METTL14: variants seen among roughly 807,000 people sequenced by gnomAD.
METTL14 encodes the protein methyltransferase 14, N6-adenosine-methyltransferase non-catalytic subunit, also known as N(6)-adenosine-methyltransferase non-catalytic subunit METTL14.
In METTL14, 32 loss-of-function variants were observed where a neutral mutation model predicts 62.4. That is an observed-to-expected ratio of 0.51 (90% CI 0.39 to 0.69). METTL14 has a LOEUF of 0.69. Ranked by LOEUF, METTL14 falls within the 30% of genes least tolerant of loss-of-function variation. The pLI, the probability that METTL14 is intolerant of heterozygous loss-of-function variation, is 0.00. For synonymous variants in METTL14, 150 were observed against 180.0 expected (o/e 0.83, Z 1.34); for missense variants, 340 against 551.9 (o/e 0.62, Z 3.85).
In METTL14 at chr4:118,701,183, G is replaced by GT. The variant is rs373953605; in HGVS notation, c.738+550dup. Among the ~76,000 whole-genome samples, 327 of 132,294 alleles carry GT rather than the reference G, an allele frequency of 2.5e-3. 14 individuals carry two copies. Among genetic ancestry groups the GT allele is most frequent in the African/African-American group, 6.7e-3 (241 of 35,926 alleles). 86.8% of individuals were successfully genotyped at this position (132,294 alleles called of 152,430 possible). A position where few individuals can be genotyped will look rare whatever the true frequency, so the allele number is the denominator to read the frequency against. The stretch of plus-strand genomic sequence containing the variant: ...TATTTTTTTATTGGAGTTTTTTTTT[G>GT]TTTTTTTTTGTTTTTTTGAGACAAG... On this transcript the variant is annotated intron_variant, in intron 8 of 10. Coordinates refer to ENST00000388822, the MANE Select transcript of METTL14 (RefSeq NM_020961.4).
At chr4:118,692,484 T>C (rs1236734983) in intron 5 of METTL14, among the ~76,000 whole-genome samples, 2 of 152,036 alleles carry the variant, frequency 1.3e-5, no homozygotes, top group Non-Finnish European at 2.9e-5. Flanking sequence ...GCCAGGCTGG[T>C]CTGGAACTCC....
At chr4:118,704,584 G>C (rs1724700565) in intron 9 of METTL14, among the ~76,000 whole-genome samples, 1 of 152,062 alleles carries the variant, frequency 6.6e-6, no homozygotes. Context: ...AGGTAATGAA[G>C]CCTCCGTAAA....
chr4:118,711,205 C>G lies in METTL14; in HGVS notation c.*903C>G, dbSNP rs1724909493. On this transcript the variant is annotated 3_prime_UTR_variant, in exon 11 of 11. Transcript: ENST00000388822. ...GTTATGGAGATAGTTTAATGTAAAA[C>G]CAACTACGGAAAACCCTCAACTTAA... The G allele has an allele frequency of 6.6e-6, 1 of 152,166 alleles. No homozygotes were observed. Among genetic ancestry groups the G allele is most frequent in the South Asian group, 2.1e-4 (1 of 4,830 alleles). The allele number at this position is 152,166 out of a possible 1,614,324, so 9.4% of individuals were successfully genotyped here. A position where few individuals can be genotyped will look rare whatever the true frequency, so the allele number is the denominator to read the frequency against.
Position 118,705,620 on chromosome 4 carries a change from C to T in METTL14, c.865C>T (p.Leu289Phe). 6.2e-7 allele frequency: 1 copy of T among 1,613,880 alleles called. No individual in the cohort carries two copies. The highest frequency in any genetic ancestry group is 8.5e-7 in the Non-Finnish European group (1 of 1,179,800). ...TGCTCTTGTTATTTAGGAACACTGC[C>T]TCATGGGGATCAAAGGAACTGTGAA... ...AVFQRTKEHC[L>F]MGIKGTVKRS... The change falls in exon 10 of 11, where the codon CTC becomes TTC. Residue 289 changes from leucine to phenylalanine, a missense_variant. Coordinates refer to ENST00000388822, the MANE Select transcript of METTL14 (RefSeq NM_020961.4).
chr4:118,703,893 C>A, intron 8 of METTL14, 42 bp from the exon 9 acceptor site: 2 of 1,171,524 alleles, frequency 1.7e-6, no homozygotes, highest in South Asian at 1.5e-5. Context: ...TTGTTTATTT[C>A]TTTAAGTTAA....
chr4:118,687,812 A>T, intron 1 of METTL14, 111 bp from the exon 2 acceptor site: 1 of 686,454 alleles, frequency 1.5e-6, no homozygotes, highest in Non-Finnish European at 2.5e-6. Context: ...TGTGTGTGTG[A>T]ATTAAGGTGT....
At chr4:118,687,098 C>A (rs752735471) in intron 1 of METTL14, among the ~76,000 whole-genome samples, 15 of 152,240 alleles carry the variant, frequency 9.9e-5, no homozygotes, top group Non-Finnish European at 2.1e-4. Context: ...ATGGTACCCA[C>A]AACCCTGTGC....
chr4:118,696,117 C>CTAAAAAAAAA (rs1724403412), intron 6 of METTL14, among the ~76,000 whole-genome samples: 1 of 33,910 alleles, frequency 2.9e-5, no homozygotes, highest in Non-Finnish European at 4.6e-5. Context: ...GACTCTGTCT[C>CTAAAAAAAAA]AAAAAAAAAA....
chr4:118,699,895 A>G (rs1370390586), intron 7 of METTL14, among the ~76,000 whole-genome samples: 3 of 152,196 alleles, frequency 2.0e-5, no homozygotes, highest in Non-Finnish European at 4.4e-5. Flanking sequence ...AACAAAATGT[A>G]AATAAGAAAA....
chr4:118,700,622 G>A lies in METTL14; in HGVS notation c.718G>A (p.Gly240Arg). 6.2e-7 allele frequency: 1 copy of A among 1,610,670 alleles called. No individual in the cohort carries two copies. Among genetic ancestry groups the A allele is most frequent in the Non-Finnish European group, 8.5e-7 (1 of 1,177,888 alleles). ...FIFLWCGSGE[G>R]LDLGRVCLRK... ...TTTTCTCTGGTGTGGTTCTGGGGAG[G>A]GGTTGGACCTTGGAAGAGTGGTAAG... The change falls in exon 8 of 11, where the codon GGG (glycine) becomes AGG (arginine). Residue 240 changes from glycine (G) to arginine (R), a missense_variant. Physicochemically the swap from Gly to Arg is moderately radical, Grantham distance 125. This residue lies in a region of METTL14 where 58 missense variants were observed against 147.5 expected (regional missense o/e 0.39). Transcript: ENST00000388822.
chr4:118,695,740 T>G (rs575858281), intron 6 of METTL14, among the ~76,000 whole-genome samples: 28 of 152,324 alleles, frequency 1.8e-4, no homozygotes, highest in African/African-American at 6.5e-4. Context: ...AGAATAATGT[T>G]TTCCTCAGAA....
In METTL14 at chr4:118,695,518, T is replaced by C. The variant is rs1022384240; in HGVS notation, c.503+992T>C. 5.3e-5 allele frequency among the ~76,000 whole-genome samples: 8 copies of C among 152,096 alleles called. No individual in the cohort carries two copies. The East Asian group carries it at 7.8e-4, about 15-fold the overall frequency. ...GAGCCGAGATCGCACCATTGCACTT[T>C]AGCCTGGGTGACGGAGTGAGACTCC... On this transcript the variant is annotated intron_variant, in intron 6 of 10. Coordinates refer to ENST00000388822, the MANE Select transcript of METTL14 (RefSeq NM_020961.4).
chr4:118,709,890 A>G, intron 10 of METTL14, 108 bp from the exon 11 acceptor site: 1 of 1,066,330 alleles, frequency 9.4e-7, no homozygotes. Flanking sequence ...TATTGGATGA[A>G]TGATGGGGAC....
chr4:118,705,375 T>C (rs1724723939), intron 9 of METTL14, among the ~76,000 whole-genome samples: 1 of 152,098 alleles, frequency 6.6e-6, no homozygotes, highest in African/African-American at 2.4e-5. Flanking sequence ...CTTGGGAGGC[T>C]GAGGCGGGGG....
chr4:118,704,700 C>T (rs917645115), intron 9 of METTL14, among the ~76,000 whole-genome samples: 1 of 152,074 alleles, frequency 6.6e-6, no homozygotes, highest in Non-Finnish European at 1.5e-5. Flanking sequence ...ATGCCCCATG[C>T]CGCATACTTT....
At chr4:118,708,231 C>T (rs931947385) in intron 10 of METTL14, among the ~76,000 whole-genome samples, 1 of 152,176 alleles carries the variant, frequency 6.6e-6, no homozygotes, top group Non-Finnish European at 1.5e-5. Flanking sequence ...CCTTGGACTT[C>T]TATAGCCAGT....
rs562578540 is a variant in METTL14 at position 118,700,661 on chromosome 4, A to T, written c.738+19A>T. 13 of 1,551,522 alleles carry T rather than the reference A, an allele frequency of 8.4e-6. No individual in the cohort carries two copies. In the South Asian group the frequency reaches 1.6e-4, roughly 19 times the overall value. ...AAGAGTGGTAAGATGGTGCTTTTATAAAGTGGATTTTTAAATTAATAAGAA... is the reference window on the plus strand; with the variant it reads ...AAGAGTGGTAAGATGGTGCTTTTATTAAGTGGATTTTTAAATTAATAAGAA... On this transcript the variant is annotated intron_variant, in intron 8 of 10. Transcript: ENST00000388822.
Position 118,713,955 on chromosome 4 carries a change from T to C in METTL14, c.*3653T>C, listed in dbSNP as rs546865921. 3 of 152,352 alleles carry C rather than the reference T, an allele frequency of 2.0e-5. No homozygotes were observed. In the South Asian group the frequency reaches 6.2e-4, roughly 32 times the overall value. 9.4% of individuals were successfully genotyped at this position (152,352 alleles called of 1,614,324 possible). On this transcript the variant is annotated 3_prime_UTR_variant, in exon 11 of 11. Coordinates refer to ENST00000388822, the MANE Select transcript of METTL14 (RefSeq NM_020961.4). ...ACATCCTTTTCCAGTAAACCCTTTT[T>C]CCACTACTGGATAAAATATTAAAAT... is the stretch of plus-strand genomic sequence containing the variant.
At chr4:118,697,510 C>G (rs1402429534) in intron 7 of METTL14, among the ~76,000 whole-genome samples, 187 bp downstream of exon 7, 1 of 151,960 alleles carries the variant, frequency 6.6e-6, no homozygotes, top group Non-Finnish European at 1.5e-5. Flanking sequence ...TTAATTTGAG[C>G]CTTCTTTTCA....
Sources: gnomAD v4.1 joint callset for allele counts (sites outside exome capture counted in the v4.1 genomes callset) on GRCh38, gnomAD v4.1.1 for gene constraint, gnomAD v4.1.1 regional missense constraint, MANE v1.5 for transcripts, NCBI Gene and HGNC (gene_info 2026-07-23, HGNC 2026-07-21) for gene names.